Variants in SNRNP40 observed in about 807,000 individuals in gnomAD.
The protein encoded by SNRNP40 is U5 small nuclear ribonucleoprotein 40 kDa protein.
A neutral mutation model predicts 45.8 loss-of-function variants in SNRNP40; 21 were observed. The observed-to-expected ratio is 0.46, with a 90% CI of 0.32 to 0.66. The LOEUF (loss-of-function observed/expected upper bound fraction) is 0.66, where lower values mean the gene tolerates loss of function less well. Among genes scored for constraint, SNRNP40 ranks in the 30% least tolerant of loss-of-function variants. SNRNP40 has a pLI of 0.03. For synonymous variants in SNRNP40, 142 were observed against 163.8 expected, an observed-to-expected ratio of 0.87 and a Z score of 1.01; for missense variants, 344 against 439.1, an observed-to-expected ratio of 0.78 and a Z score of 1.94.
At chr1:31,282,321 AGGAAAGGACATTATTAGCCTCT>A (rs1036540172) in intron 4 of SNRNP40, 1 of 152,164 alleles carries the variant, frequency 6.6e-6, no homozygotes, top group African/African-American at 2.4e-5. Context: ...AAACATTTAA[AGGAAAGGACATTATTAGCCTCT>A]GGTTCCTGGG....
chr1:31,260,402 T>C (rs1442550653), intron 9 of SNRNP40, among the ~76,000 whole-genome samples: 2 of 152,122 alleles, frequency 1.3e-5, no homozygotes, highest in Non-Finnish European at 2.9e-5. Flanking sequence ...CCAGTCATTC[T>C]AGAAGAGAGG....
intron 4 of SNRNP40, among the ~76,000 whole-genome samples, chr1:31,284,508 AAC>A (rs1646041961): frequency 6.6e-6 from 1 of 152,252 alleles, no homozygotes; most frequent in African/African-American, 2.4e-5. Context: ...AAGCGTGGAT[AAC>A]ACAGAGAGGG....
chr1:31,263,034 G>A (rs998629202), intron 8 of SNRNP40, among the ~76,000 whole-genome samples: 3 of 149,072 alleles, frequency 2.0e-5, no homozygotes, highest in Admixed American at 6.8e-5. Context: ...TTTTCATGCT[G>A]TATAATAAAG....
At chr1:31,268,027 G>C (rs991051536) in intron 7 of SNRNP40, 95 bp from the exon 8 acceptor site, 2 of 773,476 alleles carry the variant, frequency 2.6e-6, no homozygotes, top group Non-Finnish European at 4.4e-6. Context: ...CCTAACTAGA[G>C]TTTTAATTAC....
At position 31,289,200 on chromosome 1, in the gene SNRNP40, T is replaced by C. The variant is rs923195493; in HGVS notation, c.531+54A>G. 5.8e-6 allele frequency: 9 copies of C among 1,550,296 alleles called. No individual in the cohort carries two copies. The African/African-American group carries it at 1.2e-4, about 21-fold the overall frequency. ...CTAGAGTACAAGTGGCAAGGCAAGA[T>C]AAGGTTCACATCACATCACCTCAGA... On this transcript the variant is annotated intron_variant, in intron 4 of 9. Coordinates refer to ENST00000263694, the MANE Select transcript of SNRNP40 (RefSeq NM_004814.3).
chr1:31,266,838 G>A (rs1645900910), intron 8 of SNRNP40, among the ~76,000 whole-genome samples: 1 of 152,160 alleles, frequency 6.6e-6, no homozygotes. Flanking sequence ...TAAACTAATT[G>A]GTTAGAAAAG....
chr1:31,266,609 T>C (rs1645898383), intron 8 of SNRNP40, among the ~76,000 whole-genome samples: 1 of 152,198 alleles, frequency 6.6e-6, no homozygotes, highest in South Asian at 2.1e-4. Context: ...CAGTTTAGAT[T>C]CGTATTTCAT....
At chr1:31,282,332 T>C (rs1201448308) in intron 4 of SNRNP40, 1 of 152,120 alleles carries the variant, frequency 6.6e-6, no homozygotes, top group East Asian at 1.9e-4. Context: ...GGAAAGGACA[T>C]TATTAGCCTC....
intron 8 of SNRNP40, among the ~76,000 whole-genome samples, chr1:31,264,936 T>C (rs529980096): frequency 6.6e-6 from 1 of 152,260 alleles, no homozygotes; most frequent in South Asian, 2.1e-4. Flanking sequence ...GCCAATTAGA[T>C]GCTAAATTTA....
Position 31,296,651 on chromosome 1 carries a change from G to A in SNRNP40, c.101C>T (p.Ala34Val). 6.2e-7 allele frequency: 1 copy of A among 1,613,438 alleles called. No individual in the cohort carries two copies. Reference protein sequence around the residue: ...LLLGAGSGPGAGQQQATPGAL... With the variant: ...LLLGAGSGPGVGQQQATPGAL... ...TCCCGGCGTCGCCTGCTGCTGCCCG[G>A]CTCCTGGGCCAGACCCCGCTCCCAA... is the stretch of plus-strand genomic sequence containing the variant. Residue 34 changes from alanine to valine, a missense_variant, in exon 1 of 10, where the codon GCC becomes GTC. Coordinates refer to ENST00000263694, the MANE Select transcript of SNRNP40 (RefSeq NM_004814.3).
chr1:31,269,588 T>A, intron 6 of SNRNP40: 1 of 417,008 alleles, frequency 2.4e-6, no homozygotes, highest in Non-Finnish European at 4.2e-6. Flanking sequence ...AGCTTCAATG[T>A]GACAAACTAA....
intron 2 of SNRNP40, chr1:31,292,748 C>G (rs1332242666): frequency 6.5e-6 from 1 of 152,804 alleles, no homozygotes; most frequent in Non-Finnish European, 1.5e-5. Context: ...AAATGGAAAT[C>G]TGGTAGTAGA....
chr1:31,267,458 A>G (rs1428753860), intron 8 of SNRNP40, among the ~76,000 whole-genome samples: 2 of 152,220 alleles, frequency 1.3e-5, no homozygotes, highest in Non-Finnish European at 2.9e-5. Flanking sequence ...AAGCACAGTC[A>G]TAACTCTATG....
At chr1:31,276,888 G>T in intron 5 of SNRNP40, among the ~76,000 whole-genome samples, 1 of 152,058 alleles carries the variant, frequency 6.6e-6, no homozygotes, top group African/African-American at 2.4e-5. Flanking sequence ...CAAAATATTA[G>T]TGGGACGTGG....
At chr1:31,262,476 G>A (rs868363821) in intron 8 of SNRNP40, among the ~76,000 whole-genome samples, 19 of 140,754 alleles carry the variant, frequency 1.3e-4, no homozygotes, top group African/African-American at 4.6e-4. Context: ...AGCTGAGACC[G>A]TGGCACTGCC....
chr1:31,294,603 G>A (rs1359814352), intron 1 of SNRNP40, among the ~76,000 whole-genome samples: 2 of 151,808 alleles, frequency 1.3e-5, no homozygotes, highest in African/African-American at 4.8e-5. Flanking sequence ...GGGATTACAG[G>A]CACCCACCAC....
intron 3 of SNRNP40, among the ~76,000 whole-genome samples, chr1:31,290,288 G>A (rs1646094901): frequency 6.6e-6 from 1 of 152,132 alleles, no homozygotes; most frequent in South Asian, 2.1e-4. Context: ...TCCTGCCTCA[G>A]CCTCCCAAAT....
chr1:31,296,521 A>G, intron 1 of SNRNP40, 90 bp downstream of exon 1: 1 of 1,456,278 alleles, frequency 6.9e-7, no homozygotes, highest in South Asian at 1.4e-5. Flanking sequence ...TGCCCCCGCA[A>G]TGCGGGAAAG....
chr1:31,279,063 A>G (rs1193798118), intron 5 of SNRNP40, among the ~76,000 whole-genome samples: 1 of 148,748 alleles, frequency 6.7e-6, no homozygotes, highest in Non-Finnish European at 1.5e-5. Flanking sequence ...AAAAAAAACC[A>G]GACTATTAGG....
Sources: gnomAD v4.1 joint callset for allele counts (sites outside exome capture counted in the v4.1 genomes callset) on GRCh38, gnomAD v4.1.1 for gene constraint, MANE v1.5 for transcripts, NCBI Gene and HGNC (gene_info 2026-07-23, HGNC 2026-07-21) for gene names.